The following TRPM3 variants were observed in gnomAD, a reference collection of about 807,000 sequenced individuals.
The protein encoded by TRPM3 is long transient receptor potential channel 3.
A neutral mutation model predicts 181.2 loss-of-function variants in TRPM3; 77 were observed. The observed-to-expected ratio is 0.42, with a 90% CI of 0.35 to 0.51. The LOEUF (loss-of-function observed/expected upper bound fraction) is 0.51, where lower values mean the gene tolerates loss of function less well. TRPM3 is among the 20% of genes least tolerant of loss of function. The pLI, the probability that TRPM3 is intolerant of heterozygous loss-of-function variation, is 0.01. For synonymous variants in TRPM3, 745 were observed against 796.4 expected (o/e 0.94, Z 1.09); for missense variants, 1,759 against 2,196.7 (o/e 0.80, Z 3.98).
chr9:71,387,737 T>C lies in TRPM3; in HGVS notation c.183+58916A>G, dbSNP rs578056945. Among the ~76,000 whole-genome samples, 33 of 152,192 alleles carry C rather than the reference T, an allele frequency of 2.2e-4. 1 individual carries two copies. Among genetic ancestry groups the C allele is most frequent in the African/African-American group, 7.9e-4 (33 of 41,538 alleles). On this transcript the variant is annotated intron_variant, in intron 1 of 24. Coordinates refer to the TRPM3 transcript ENST00000357533. ...ACATATAGTAAGCCCTCAGGAAAGG[T>C]TACCTCCATTATTAGTTAATTTTAC...
chr9:70,842,902 A>G, intron 5 of TRPM3, 101 bp downstream of exon 5: 3 of 1,210,334 alleles, frequency 2.5e-6, no homozygotes, highest in Non-Finnish European at 3.5e-6. Context: ...TAGAGACCCA[A>G]AGAATACTAT....
intron 1 of TRPM3, among the ~76,000 whole-genome samples, chr9:71,295,507 A>G (rs955956897): frequency 2.6e-5 from 4 of 151,786 alleles, no homozygotes; most frequent in Admixed American, 2.6e-4. Flanking sequence ...CTTATCTTAT[A>G]AAGTATGAAC....
rs190652163 is a variant in TRPM3, at chr9:70,579,447, A to G, written c.3223+11584T>C. 454 of 152,396 alleles carry G rather than the reference A, an allele frequency of 3.0e-3. 3 individuals are homozygous for G. The highest frequency in any genetic ancestry group is 0.01 in the African/African-American group (423 of 41,578). The allele number at this position is 152,396 out of a possible 1,614,324, so 9.4% of individuals were successfully genotyped here. On this transcript the variant is annotated intron_variant, in intron 22 of 25. Coordinates refer to ENST00000677713, the MANE Select transcript of TRPM3 (RefSeq NM_001366145.2). Reference sequence around the variant, plus strand: ...CGAGTAGCTGTGACTACAGGTGTGCACCACCGTGCCCAGTGGGAATAGATT... The same window carrying G: ...CGAGTAGCTGTGACTACAGGTGTGCGCCACCGTGCCCAGTGGGAATAGATT...
At chr9:70,776,264 T>C in intron 7 of TRPM3, 1 of 475,742 alleles carries the variant, frequency 2.1e-6, no homozygotes, top group South Asian at 4.3e-5. Context: ...TCAAGACAAG[T>C]GGGAGGTTAG....
At chr9:71,446,920 C>A (rs951284613), upstream of TRPM3, 6 of 1,331,034 alleles carry the variant, frequency 4.5e-6, no homozygotes, top group Non-Finnish European at 2.0e-6. Context: ...CTCCAGCCTG[C>A]GCGCGGCTCT....
chr9:70,541,585 C>T (rs1279856862), intron 25 of TRPM3, among the ~76,000 whole-genome samples: 2 of 150,404 alleles, frequency 1.3e-5, no homozygotes, highest in East Asian at 1.9e-4. Flanking sequence ...GATCTCGGTT[C>T]ACCCCAACCT....
At position 70,767,357 on chromosome 9, in the gene TRPM3, T is replaced by C. The variant is rs2079348835; in HGVS notation, c.1149-5633A>G. Among the ~76,000 whole-genome samples the C allele has an allele frequency of 2.0e-5, 3 of 152,324 alleles. No individual in the cohort carries two copies. In the South Asian group the frequency reaches 6.2e-4, roughly 32 times the overall value. On this transcript the variant is annotated intron_variant, in intron 7 of 25. Transcript: ENST00000677713. ...TCATTCATTCAACAAACAATATTCA[T>C]GCCTTCTGTGTGCCAGGCACTAAGT...
intron 1 of TRPM3, among the ~76,000 whole-genome samples, chr9:71,062,366 G>T (rs1005067926): frequency 6.6e-6 from 1 of 151,974 alleles, no homozygotes; most frequent in Non-Finnish European, 1.5e-5. Context: ...CCAATGTGAT[G>T]GTCTAAATAC....
intron 1 of TRPM3, among the ~76,000 whole-genome samples, chr9:70,975,978 T>G (rs913579798): frequency 6.6e-6 from 1 of 152,206 alleles, no homozygotes; most frequent in African/African-American, 2.4e-5. Flanking sequence ...TTAATTCCCC[T>G]TCTTTCTATC....
chr9:70,597,481 G>C, intron 21 of TRPM3, among the ~76,000 whole-genome samples: 1 of 152,192 alleles, frequency 6.6e-6, no homozygotes, highest in East Asian at 1.9e-4. Context: ...AGAAAACTGG[G>C]AGAACTGATG....
intron 25 of TRPM3, among the ~76,000 whole-genome samples, chr9:70,544,894 A>G (rs1458684067): frequency 6.6e-6 from 1 of 152,196 alleles, no homozygotes; most frequent in East Asian, 1.9e-4. Context: ...TGTACTCTGA[A>G]CCAAAGATGT....
chr9:70,770,263 C>T (rs2079969154), intron 7 of TRPM3, among the ~76,000 whole-genome samples: 1 of 152,160 alleles, frequency 6.6e-6, no homozygotes, highest in Non-Finnish European at 1.5e-5. Context: ...CTGGATACTA[C>T]CTCATCCCTC....
intron 6 of TRPM3, among the ~76,000 whole-genome samples, chr9:70,785,317 TGA>T (rs1177780749): frequency 6.6e-6 from 1 of 152,216 alleles, no homozygotes; most frequent in African/African-American, 2.4e-5. Flanking sequence ...CAAATGTCCA[TGA>T]GAGACATGAT....
intron 1 of TRPM3, among the ~76,000 whole-genome samples, chr9:71,345,080 T>C (rs1339025648): frequency 2.0e-5 from 3 of 152,188 alleles, no homozygotes; most frequent in Non-Finnish European, 4.4e-5. Flanking sequence ...CATTAAAAAG[T>C]CAGGAAATAA....
chr9:70,591,512 A>G (rs1490613482), intron 21 of TRPM3, among the ~76,000 whole-genome samples: 1 of 152,186 alleles, frequency 6.6e-6, no homozygotes, highest in Non-Finnish European at 1.5e-5. Context: ...CATAGGAGTC[A>G]TATAAATGGA....
intron 1 of TRPM3, among the ~76,000 whole-genome samples, chr9:71,212,109 T>C (rs138694880): frequency 6.6e-6 from 1 of 152,186 alleles, no homozygotes; most frequent in East Asian, 1.9e-4. Flanking sequence ...CATGGTTTTT[T>C]TGTTTTGTTT....
At position 70,649,027 on chromosome 9, in the gene TRPM3, A is replaced by C. The variant is rs376684402; in HGVS notation, c.1346-8367T>G. ...TAACCTAAGGAGCTTCTGCACAACA[A>C]AATAAACTATCAACAGAGTAAATGG... is the stretch of plus-strand genomic sequence containing the variant. On this transcript the variant is annotated intron_variant, in intron 9 of 25. Coordinates refer to ENST00000677713, the MANE Select transcript of TRPM3 (RefSeq NM_001366145.2). Among the ~76,000 whole-genome samples the C allele has an allele frequency of 1.4e-3, 208 of 152,308 alleles. 3 individuals carry two copies. The South Asian group carries it at 0.02, about 15-fold the overall frequency.
At chr9:70,669,825 C>T (rs1263667999) in intron 9 of TRPM3, among the ~76,000 whole-genome samples, 1 of 151,310 alleles carries the variant, frequency 6.6e-6, no homozygotes, top group Non-Finnish European at 1.5e-5. Flanking sequence ...TGGGCTCAAC[C>T]TCTTGGGCTC....
At chr9:70,788,073 A>T (rs1005208442) in intron 6 of TRPM3, among the ~76,000 whole-genome samples, 54 of 147,368 alleles carry the variant, frequency 3.7e-4, no homozygotes, top group African/African-American at 1.3e-3. Flanking sequence ...CAGGTTAGTT[A>T]CATATGTATA....
Sources: allele counts gnomAD v4.1 joint callset (sites outside exome capture counted in the v4.1 genomes callset), GRCh38; gene constraint gnomAD v4.1.1; transcripts MANE v1.5; gene names NCBI Gene and HGNC (gene_info 2026-07-23, HGNC 2026-07-21).